PCDHAC1: variants seen among roughly 807,000 people sequenced by gnomAD.
PCDHAC1 encodes the protein protocadherin alpha subfamily C, 1.
A neutral mutation model predicts 60.0 loss-of-function variants in PCDHAC1; 42 were observed. That is an observed-to-expected ratio of 0.70 (90% CI 0.55 to 0.90). PCDHAC1 has a LOEUF of 0.90. PCDHAC1 is among the 40% of genes least tolerant of loss of function. The pLI, the probability that PCDHAC1 is intolerant of heterozygous loss-of-function variation, is 0.00. For synonymous variants in PCDHAC1, 468 were observed against 499.3 expected (o/e 0.94, Z 0.84); for missense variants, 1,160 against 1,222.3 (o/e 0.95, Z 0.76).
intron 1 of PCDHAC1, among the ~76,000 whole-genome samples, chr5:140,931,914 A>C (rs1374173998): frequency 1.3e-5 from 2 of 151,960 alleles, no homozygotes; most frequent in Admixed American, 1.3e-4. Context: ...AAAGCATGAC[A>C]TTTAACAATG....
At chr5:140,970,762 A>C (rs2096431667) in intron 1 of PCDHAC1, among the ~76,000 whole-genome samples, 1 of 152,198 alleles carries the variant, frequency 6.6e-6, no homozygotes, top group Admixed American at 6.5e-5. Context: ...TCATTGACAT[A>C]TTGCTGTACA....
At chr5:140,963,615 T>A (rs2095780964) in intron 1 of PCDHAC1, among the ~76,000 whole-genome samples, 1 of 152,248 alleles carries the variant, frequency 6.6e-6, no homozygotes, top group African/African-American at 2.4e-5. Context: ...TGGGAAAGCT[T>A]AACTTTGTTG....
Position 141,009,690 on chromosome 5 carries a change from TTAAA to T in PCDHAC1, c.2648_2651del (p.Lys883ThrfsTer44). On this transcript the variant is annotated frameshift_variant, in exon 4 of 4. Transcript: ENST00000253807. LOFTEE classifies it high-confidence loss of function. ...GGTGTCAACAGCAACAGCTGGACCT[TTAAA>T]TACGGACCAGGCAACCCCAAACAAT... 6.2e-7 allele frequency: 1 copy of T among 1,614,068 alleles called. No individual in the cohort carries two copies. Among genetic ancestry groups the T allele is most frequent in the Non-Finnish European group, 8.5e-7 (1 of 1,180,024 alleles).
intron 3 of PCDHAC1, among the ~76,000 whole-genome samples, chr5:140,985,542 C>T (rs2097157092): frequency 6.6e-6 from 1 of 152,106 alleles, no homozygotes; most frequent in African/African-American, 2.4e-5. Context: ...GGTGAAGATG[C>T]AGTTGCTTCC....
intron 3 of PCDHAC1, among the ~76,000 whole-genome samples, chr5:140,984,534 G>C (rs1261585417): frequency 6.6e-6 from 1 of 152,136 alleles, no homozygotes; most frequent in Non-Finnish European, 1.5e-5. Context: ...TTCATGGACT[G>C]TGCTGGATAG....
At chr5:141,006,423 C>T (rs1554260738) in intron 3 of PCDHAC1, among the ~76,000 whole-genome samples, 1 of 152,060 alleles carries the variant, frequency 6.6e-6, no homozygotes, top group African/African-American at 2.4e-5. Context: ...CTGTGTTAGC[C>T]AGGATGGTCT....
intron 3 of PCDHAC1, among the ~76,000 whole-genome samples, chr5:141,001,306 A>C (rs1554258083): frequency 6.6e-6 from 1 of 152,174 alleles, no homozygotes; most frequent in African/African-American, 2.4e-5. Context: ...CAGAGATATG[A>C]AATAATTTGC....
chr5:140,927,918 CCTGA>C lies in PCDHAC1; in HGVS notation c.1029_1032del (p.Thr344PhefsTer14). 1 of 1,614,220 alleles carries C rather than the reference CCTGA, an allele frequency of 6.2e-7. No homozygotes were observed. The highest frequency in any genetic ancestry group is 8.5e-7 in the Non-Finnish European group (1 of 1,180,032). The stretch of plus-strand genomic sequence containing the variant: ...ACGATCATGCCCCCGAACTGGACTT[CCTGA>C]CTCTTTCGAACCCAGTACCTGAGGA... On this transcript the variant is annotated frameshift_variant, in exon 1 of 4. Transcript: ENST00000253807. LOFTEE classifies it high-confidence loss of function.
chr5:140,929,398 AG>A, intron 1 of PCDHAC1, 73 bp downstream of exon 1: 1 of 1,510,096 alleles, frequency 6.6e-7, no homozygotes, highest in Non-Finnish European at 8.9e-7. Flanking sequence ...AATATTTCTT[AG>A]ACAAGCCTTT....
chr5:140,999,747 C>T (rs2097874058), intron 3 of PCDHAC1, among the ~76,000 whole-genome samples: 1 of 152,008 alleles, frequency 6.6e-6, no homozygotes, highest in East Asian at 1.9e-4. Flanking sequence ...AATCTGGGTT[C>T]GCAGCACATG....
intron 3 of PCDHAC1, among the ~76,000 whole-genome samples, chr5:141,008,075 G>A (rs1002549445): frequency 2.0e-5 from 3 of 152,004 alleles, no homozygotes; most frequent in Non-Finnish European, 1.5e-5. Flanking sequence ...GAACTTATTG[G>A]GGTTATTCTA....
At chr5:140,980,852 T>G (rs1233523507) in intron 2 of PCDHAC1, among the ~76,000 whole-genome samples, 5 of 152,184 alleles carry the variant, frequency 3.3e-5, no homozygotes, top group African/African-American at 1.2e-4. Flanking sequence ...TACTAATCTT[T>G]TTCGTATGTG....
rs139859573 is a variant in PCDHAC1, at chr5:140,940,130, A to G, written c.2433+10805A>G. ...TGTATTATTTACCTCTATTTCTGCT[A>G]GTGATAAACTATTATAGTTTTTGTT... On this transcript the variant is annotated intron_variant, in intron 1 of 3. Transcript: ENST00000253807. Among the ~76,000 whole-genome samples, 378 of 152,286 alleles carry G rather than the reference A, an allele frequency of 2.5e-3. 4 individuals carry two copies. Among genetic ancestry groups the G allele is most frequent in the Non-Finnish European group, 4.6e-3 (313 of 68,020 alleles).
chr5:141,000,734 T>A (rs1221425075), intron 3 of PCDHAC1, among the ~76,000 whole-genome samples: 4 of 150,588 alleles, frequency 2.7e-5, no homozygotes, highest in Non-Finnish European at 4.4e-5. Flanking sequence ...GGCCCCTATC[T>A]CTGTATATTA....
rs782361945 is a variant in PCDHAC1, at chr5:140,928,844, C to G, written c.1952C>G (p.Thr651Ser). ...HGDPPLSSSV[T>S]LGVLLSNSVP... ...GACCCACCACTTTCCTCCTCTGTCACTCTGGGTGTGCTGTTGAGCAACTCT... is the reference window on the plus strand; with the variant it reads ...GACCCACCACTTTCCTCCTCTGTCAGTCTGGGTGTGCTGTTGAGCAACTCT... The change falls in exon 1 of 4, where the codon ACT becomes AGT. Residue 651 changes from threonine (T) to serine (S), a missense_variant. Transcript: ENST00000253807. The G allele has an allele frequency of 6.2e-7, 1 of 1,614,168 alleles. No individual in the cohort carries two copies. The highest frequency in any genetic ancestry group is 1.7e-5 in the Admixed American group (1 of 60,030).
At chr5:140,964,721 C>T (rs2095851062) in intron 1 of PCDHAC1, among the ~76,000 whole-genome samples, 1 of 151,598 alleles carries the variant, frequency 6.6e-6, no homozygotes, top group East Asian at 1.9e-4. Flanking sequence ...CAAATTACCA[C>T]AGCAAACTGA....
rs147892853 is a variant in PCDHAC1 at position 140,979,173 on chromosome 5, C to A, written c.2492+166C>A. ...CCCATGTTTATTCCTTGAAAGATCG[C>A]AAATGGTCAGTGCCAGATGCTTATC... On this transcript the variant is annotated intron_variant, in intron 2 of 3. Transcript: ENST00000253807. The A allele has an allele frequency of 5.2e-6, 5 of 958,838 alleles. No individual in the cohort carries two copies. The Admixed American group carries it at 3.1e-4, about 59-fold the overall frequency. 59.4% of individuals were successfully genotyped at this position (958,838 alleles called of 1,614,324 possible).
intron 3 of PCDHAC1, among the ~76,000 whole-genome samples, chr5:141,004,729 T>A (rs782339918): frequency 6.6e-6 from 1 of 152,144 alleles, no homozygotes; most frequent in African/African-American, 2.4e-5. Context: ...TTAAATACAT[T>A]TCTCTCTTTT....
At chr5:140,975,045 A>G (rs1249490997) in intron 1 of PCDHAC1, among the ~76,000 whole-genome samples, 1 of 152,112 alleles carries the variant, frequency 6.6e-6, no homozygotes, top group Non-Finnish European at 1.5e-5. Context: ...GGCTCTTAGG[A>G]AGAATCTACT....
Sources: allele counts gnomAD v4.1 joint callset (sites outside exome capture counted in the v4.1 genomes callset), GRCh38; gene constraint gnomAD v4.1.1; transcripts MANE v1.5; gene names NCBI Gene and HGNC (gene_info 2026-07-23, HGNC 2026-07-21).